The following RAC1 variants were observed in gnomAD, a reference collection of about 807,000 sequenced individuals.
The protein encoded by RAC1 is Rac family small GTPase 1, also known as ras-related C3 botulinum toxin substrate 1.
RAC1 carries 2 observed loss-of-function variants against 25.2 expected under a neutral mutation model. The ratio of observed to expected loss-of-function variants is 0.08; its 90% CI spans 0.03 to 0.25. The LOEUF (loss-of-function observed/expected upper bound fraction) is 0.25. Ranked by LOEUF, RAC1 falls within the 10% of genes least tolerant of loss-of-function variation. The pLI is 1.00. For missense variants in RAC1, 50 were observed against 235.7 expected, an observed-to-expected ratio of 0.21 and a Z score of 5.16; for synonymous variants, 88 against 94.0, an observed-to-expected ratio of 0.94 and a Z score of 0.37.
intron 4 of RAC1, 105 bp downstream of exon 4, chr7:6,400,293 G>C: frequency 1.7e-6 from 2 of 1,193,130 alleles, no homozygotes; most frequent in East Asian, 2.4e-5. Context: ...ATTTAAATTG[G>C]TTTTAGCAAT....
chr7:6,398,123 T>A (rs1485216295), intron 3 of RAC1, among the ~76,000 whole-genome samples: 1 of 152,154 alleles, frequency 6.6e-6, no homozygotes, highest in Non-Finnish European at 1.5e-5. Context: ...CAGAACTAGG[T>A]GGAAGATAGG....
At chr7:6,375,373 G>A (rs1271761893) in intron 1 of RAC1, among the ~76,000 whole-genome samples, 2 of 152,040 alleles carry the variant, frequency 1.3e-5, no homozygotes, top group African/African-American at 4.8e-5. Flanking sequence ...ACAGGCGTGT[G>A]CCACCACGCC....
At chr7:6,377,587 C>A (rs1434960615) in intron 1 of RAC1, among the ~76,000 whole-genome samples, 1 of 151,136 alleles carries the variant, frequency 6.6e-6, no homozygotes, top group Admixed American at 6.6e-5. Flanking sequence ...AGAGTGAGAC[C>A]TTGTCTCAAA....
At chr7:6,399,911 T>A (rs1783348300) in intron 3 of RAC1, 5 of 579,426 alleles carry the variant, frequency 8.6e-6, no homozygotes, top group East Asian at 5.7e-5. Flanking sequence ...CCCTTCATGC[T>A]CCCCATTTTC....
chr7:6,389,052 G>A (rs34787167), intron 2 of RAC1, among the ~76,000 whole-genome samples: 26 of 151,982 alleles, frequency 1.7e-4, no homozygotes, highest in Non-Finnish European at 3.5e-4. Flanking sequence ...AAATACAGTA[G>A]TTAGCCGGGT....
At chr7:6,387,366 C>A in intron 2 of RAC1, 83 bp downstream of exon 2, 1 of 978,724 alleles carries the variant, frequency 1.0e-6, no homozygotes, top group Non-Finnish European at 1.6e-6. Context: ...GTAAAGCCAT[C>A]TTTAATCCTC....
chr7:6,387,185 A>C, intron 1 of RAC1, 27 bp from the exon 2 acceptor site: 1 of 1,462,000 alleles, frequency 6.8e-7, no homozygotes, highest in Admixed American at 2.2e-5. Flanking sequence ...ATGTTGACTA[A>C]GCAACCTTTT....
chr7:6,399,901 C>T (rs1783348062), intron 3 of RAC1: 1 of 570,016 alleles, frequency 1.8e-6, no homozygotes, highest in Non-Finnish European at 3.1e-6. Flanking sequence ...GCATCATTCT[C>T]CCTTCATGCT....
chr7:6,392,430 A>T (rs753893547), intron 3 of RAC1, among the ~76,000 whole-genome samples: 12 of 152,246 alleles, frequency 7.9e-5, no homozygotes, highest in Non-Finnish European at 1.8e-4. Context: ...CCAAGTTAGT[A>T]ACTAATCTCA....
chr7:6,388,311 G>A (rs1050901971), intron 2 of RAC1, among the ~76,000 whole-genome samples: 4 of 148,590 alleles, frequency 2.7e-5, no homozygotes, highest in East Asian at 2.0e-4. Flanking sequence ...CTGAAGTGTC[G>A]TACCCATGTT....
rs1321772252 is a variant in RAC1 at position 6,403,856 on chromosome 7, G to A, written c.*1410G>A. On this transcript the variant is annotated 3_prime_UTR_variant, in exon 6 of 6. Transcript: ENST00000348035. ...GTGGGACCCTTCAGCCACTACAACA[G>A]AATTTTTTAAATTGACAGTTGCAGA... The A allele has an allele frequency of 9.0e-6, 2 of 222,866 alleles. No homozygotes were observed. The highest frequency in any genetic ancestry group is 4.5e-5 in the African/African-American group (2 of 44,730). 13.8% of individuals were successfully genotyped at this position (222,866 alleles called of 1,614,324 possible).
chr7:6,390,093 T>C lies in RAC1; in HGVS notation c.108-1831T>C, dbSNP rs982033696. Among the ~76,000 whole-genome samples the C allele has an allele frequency of 5.8e-3, 302 of 52,326 alleles. 1 individual carries two copies. The highest frequency in any genetic ancestry group is 8.1e-3 in the Middle Eastern group (1 of 124). The allele number at this position is 52,326 out of a possible 152,430, so 34.3% of individuals were successfully genotyped here. A position where few individuals can be genotyped will look rare whatever the true frequency, so the allele number is the denominator to read the frequency against. ...CTCCCTCCCTTGCTCCCTCCCTCCC[T>C]CCCTTTTTTTTTTTTTTTTTTTTTG... is the stretch of plus-strand genomic sequence containing the variant. On this transcript the variant is annotated intron_variant, in intron 2 of 5. Transcript: ENST00000348035.
rs867186157 is a variant in RAC1 at position 6,389,948 on chromosome 7, T to G, written c.108-1976T>G. 8.7e-5 allele frequency among the ~76,000 whole-genome samples: 12 copies of G among 138,068 alleles called. No homozygotes were observed. The Admixed American group carries it at 8.9e-4, about 10-fold the overall frequency. 90.6% of individuals were successfully genotyped at this position (138,068 alleles called of 152,430 possible). A position where few individuals can be genotyped will look rare whatever the true frequency, so the allele number is the denominator to read the frequency against. ...TTCCTTCCTTCCTTCCCTCCCTCCCTCTCTCCCTCCCTTCCTCCCTTCCTT... is the reference window on the plus strand; with the variant it reads ...TTCCTTCCTTCCTTCCCTCCCTCCCGCTCTCCCTCCCTTCCTCCCTTCCTT... On this transcript the variant is annotated intron_variant, in intron 2 of 5. Coordinates refer to ENST00000348035, the MANE Select transcript of RAC1 (RefSeq NM_006908.5).
chr7:6,396,032 A>G (rs1377022262), intron 3 of RAC1, among the ~76,000 whole-genome samples: 1 of 152,126 alleles, frequency 6.6e-6, no homozygotes, highest in Non-Finnish European at 1.5e-5. Context: ...ACCACCGAGG[A>G]GGGAGTGGTG....
At chr7:6,388,985 G>C (rs1351689913) in intron 2 of RAC1, among the ~76,000 whole-genome samples, 1 of 150,986 alleles carries the variant, frequency 6.6e-6, no homozygotes, top group Non-Finnish European at 1.5e-5. Flanking sequence ...AGGATCACTT[G>C]AGGTCAGGAG....
intron 1 of RAC1, among the ~76,000 whole-genome samples, chr7:6,386,252 A>G (rs1194774242): frequency 6.6e-6 from 1 of 152,130 alleles, no homozygotes; most frequent in Non-Finnish European, 1.5e-5. Flanking sequence ...TTATAGACTT[A>G]TGGTGCTGTG....
chr7:6,402,536 A>AAAAAAAAC lies in RAC1; in HGVS notation c.*91_*92insAAAAAACA. On this transcript the variant is annotated 3_prime_UTR_variant, in exon 6 of 6. Coordinates refer to ENST00000348035, the MANE Select transcript of RAC1 (RefSeq NM_006908.5). ...ACAAAAAAAAAAAACAAAAAAAAAAAACAACGGTGGAGCCTTCGCACTCAA... is the reference window on the plus strand; with the variant it reads ...ACAAAAAAAAAAAACAAAAAAAAAAAAAAAAAACACAACGGTGGAGCCTTCGCACTCAA... 6 of 947,900 alleles carry AAAAAAAAC rather than the reference A, an allele frequency of 6.3e-6. No homozygotes were observed. Among genetic ancestry groups the AAAAAAAAC allele is most frequent in the East Asian group, 1.0e-4 (2 of 19,616 alleles). The allele number at this position is 947,900 out of a possible 1,614,324, so 58.7% of individuals were successfully genotyped here. A position where few individuals can be genotyped will look rare whatever the true frequency, so the allele number is the denominator to read the frequency against.
At chr7:6,379,268 A>ATT (rs768891793) in intron 1 of RAC1, among the ~76,000 whole-genome samples, 1,071 of 105,484 alleles carry the variant, frequency 0.01, 14 homozygotes, top group Non-Finnish European at 0.012. Flanking sequence ...TGCCGAGGTA[A>ATT]TTTTTTTTTT....
intron 3 of RAC1, chr7:6,398,810 C>G: frequency 1.7e-6 from 2 of 1,199,144 alleles, no homozygotes; most frequent in Admixed American, 2.0e-5. Context: ...AAGCCTCAAG[C>G]TCCTTGAGTG....
Sources: gnomAD v4.1 joint callset for allele counts (sites outside exome capture counted in the v4.1 genomes callset) on GRCh38, gnomAD v4.1.1 for gene constraint, MANE v1.5 for transcripts, NCBI Gene and HGNC (gene_info 2026-07-23, HGNC 2026-07-21) for gene names.